CD109: variants seen among roughly 807,000 people sequenced by gnomAD.
CD109 encodes CD109 molecule.
In CD109, 149 loss-of-function variants were observed where a neutral mutation model predicts 165.8. The observed-to-expected ratio is 0.90, with a 90% CI of 0.79 to 1.03. The LOEUF is 1.03. Among genes scored for constraint, CD109 ranks in the 50% least tolerant of loss-of-function variants. The pLI, the probability that CD109 is intolerant of heterozygous loss-of-function variation, is 0.00. For missense variants in CD109, 1,712 were observed against 1,677.8 expected (o/e 1.02, Z -0.36); for synonymous variants, 585 against 592.1 (o/e 0.99, Z 0.18).
At chr6:73,822,555 T>G (rs78324500) in intron 32 of CD109, among the ~76,000 whole-genome samples, 2,562 of 152,330 alleles carry the variant, frequency 0.017, 69 homozygotes, top group African/African-American at 0.058. Context: ...GAATACACTG[T>G]GGAGACCCAA....
intron 5 of CD109, among the ~76,000 whole-genome samples, chr6:73,743,326 A>G (rs1582090720): frequency 6.6e-6 from 1 of 152,220 alleles, no homozygotes; most frequent in Admixed American, 6.5e-5. Flanking sequence ...GGAACAAGAA[A>G]TAGCAAGCAG....
intron 2 of CD109, among the ~76,000 whole-genome samples, chr6:73,721,498 A>G (rs1278532090): frequency 1.3e-5 from 2 of 148,750 alleles, no homozygotes; most frequent in African/African-American, 2.5e-5. Context: ...CCGAGTAGCT[A>G]GGACTACAGG....
At chr6:73,809,392 G>A (rs1562083097) in intron 26 of CD109, among the ~76,000 whole-genome samples, 1 of 152,082 alleles carries the variant, frequency 6.6e-6, no homozygotes, top group Non-Finnish European at 1.5e-5. Flanking sequence ...GGTCAGATAA[G>A]TAACGTGCAT....
At chr6:73,717,859 T>G (rs1041544387) in intron 2 of CD109, among the ~76,000 whole-genome samples, 2 of 151,832 alleles carry the variant, frequency 1.3e-5, no homozygotes, top group African/African-American at 4.8e-5. Flanking sequence ...GACCTCGTGA[T>G]CCGCCCACCT....
At chr6:73,759,718 C>T (rs114910402) in intron 7 of CD109, among the ~76,000 whole-genome samples, 1,527 of 152,212 alleles carry the variant, frequency 0.01, 27 homozygotes, top group African/African-American at 0.034. Context: ...TGATATAACT[C>T]TGTTAAAATA....
intron 30 of CD109, among the ~76,000 whole-genome samples, chr6:73,817,693 A>T (rs1775986575): frequency 6.6e-6 from 1 of 152,196 alleles, no homozygotes; most frequent in Admixed American, 6.5e-5. Flanking sequence ...AATTCATTTT[A>T]TAAAAATATT....
In CD109 at chr6:73,765,968, T is replaced by G. The variant is rs1179029510; in HGVS notation, c.1146T>G (p.Leu382=). 2.5e-6 allele frequency: 4 copies of G among 1,613,958 alleles called. No individual in the cohort carries two copies. In the Admixed American group the frequency reaches 6.7e-5, roughly 27 times the overall value. Residue 382 remains leucine, a synonymous_variant, in exon 11 of 33, where the codon CTT becomes CTG. Coordinates refer to ENST00000287097, the MANE Select transcript of CD109 (RefSeq NM_133493.5). Reference sequence around the variant, plus strand: ...GTGCTGATGGCAACCAACTGACTCTTGAAGAAAGAAGAAATAATGTAGTCA... The same window carrying G: ...GTGCTGATGGCAACCAACTGACTCTGGAAGAAAGAAGAAATAATGTAGTCA... ...VTRADGNQLT[L]EERRNNVVIT... is the part of the protein sequence containing the mutation.
intron 19 of CD109, among the ~76,000 whole-genome samples, chr6:73,784,509 G>T (rs1033177737): frequency 6.6e-6 from 1 of 152,102 alleles, no homozygotes; most frequent in Non-Finnish European, 1.5e-5. Flanking sequence ...CATTGTCTGG[G>T]GCTGTCCTGA....
chr6:73,708,162 C>T lies in CD109; in HGVS notation c.247+10590C>T, dbSNP rs574748975. 3.8e-4 allele frequency among the ~76,000 whole-genome samples: 58 copies of T among 152,062 alleles called. No homozygotes were observed. The South Asian group carries it at 9.8e-3, about 26-fold the overall frequency. ...ATCCCTTCCCCCTTCCCCCATCCCACGACAGGCCCCGGTGTGTGATGTTCC... is the reference window on the plus strand; with the variant it reads ...ATCCCTTCCCCCTTCCCCCATCCCATGACAGGCCCCGGTGTGTGATGTTCC... On this transcript the variant is annotated intron_variant, in intron 2 of 32. Transcript: ENST00000287097.
intron 3 of CD109, among the ~76,000 whole-genome samples, chr6:73,727,207 GC>G (rs2150175141): frequency 6.6e-6 from 1 of 151,924 alleles, no homozygotes; most frequent in South Asian, 2.1e-4. Context: ...CTCATTATGC[GC>G]CCCCATTGTT....
At chr6:73,782,378 T>C (rs935056135) in intron 17 of CD109, among the ~76,000 whole-genome samples, 2 of 152,214 alleles carry the variant, frequency 1.3e-5, no homozygotes, top group Non-Finnish European at 2.9e-5. Context: ...ACATATTGAA[T>C]CCTTCTTGAT....
rs1378697333 is a variant in CD109 at position 73,827,576 on chromosome 6, C to T, written c.*3943C>T. On this transcript the variant is annotated 3_prime_UTR_variant, in exon 33 of 33. Coordinates refer to ENST00000287097, the MANE Select transcript of CD109 (RefSeq NM_133493.5). ...TAGAGGACCATTATCCTTCTTTCTT[C>T]AGAAAACTAAGAAGTAAGTGTAACT... 1 of 152,038 alleles carries T rather than the reference C, an allele frequency of 6.6e-6. No homozygotes were observed. The highest frequency in any genetic ancestry group is 1.9e-4 in the East Asian group (1 of 5,202). 9.4% of individuals were successfully genotyped at this position (152,038 alleles called of 1,614,324 possible). A position where few individuals can be genotyped will look rare whatever the true frequency, so the allele number is the denominator to read the frequency against.
intron 23 of CD109, among the ~76,000 whole-genome samples, chr6:73,797,281 GA>G (rs1775197848): frequency 6.6e-6 from 1 of 152,164 alleles, no homozygotes; most frequent in Non-Finnish European, 1.5e-5. Context: ...ATAAGGACTG[GA>G]AATCCAGAAC....
At chr6:73,773,456 G>A (rs1457996573) in intron 15 of CD109, among the ~76,000 whole-genome samples, 1 of 151,808 alleles carries the variant, frequency 6.6e-6, no homozygotes, top group African/African-American at 2.4e-5. Context: ...TTATAAGTAT[G>A]GTAATTCTTT....
Position 73,826,417 on chromosome 6 carries a change from C to T in CD109, c.*2784C>T, listed in dbSNP as rs1400618114. On this transcript the variant is annotated 3_prime_UTR_variant, in exon 33 of 33. Transcript: ENST00000287097. ...ACTCACTGGGAACCTTAGTAAAACA[C>T]CAGCATATCTTACCTCTCTTTCTGA... 1 of 152,170 alleles carries T rather than the reference C, an allele frequency of 6.6e-6. No individual in the cohort carries two copies. Among genetic ancestry groups the T allele is most frequent in the Non-Finnish European group, 1.5e-5 (1 of 68,036 alleles). The allele number at this position is 152,170 out of a possible 1,614,324, so 9.4% of individuals were successfully genotyped here.
At chr6:73,745,697 A>G (rs1204301672) in intron 5 of CD109, among the ~76,000 whole-genome samples, 1 of 151,970 alleles carries the variant, frequency 6.6e-6, no homozygotes, top group Non-Finnish European at 1.5e-5. Flanking sequence ...AGCCTCTATA[A>G]CCTTGGTCAT....
chr6:73,687,958 C>T, the CD109 span, among the ~76,000 whole-genome samples: 1 of 152,304 alleles, frequency 6.6e-6, no homozygotes, highest in Admixed American at 6.5e-5. Flanking sequence ...TGTTTCTTTG[C>T]TTATTAATAG....
In CD109 at chr6:73,736,446, A is replaced by G. The variant is rs1373067228; in HGVS notation, c.571A>G (p.Lys191Glu). The change falls in exon 5 of 33, where the codon AAA (lysine) becomes GAA (glutamate). Residue 191 changes from lysine (K) to glutamate (E), a missense_variant. Transcript: ENST00000287097. ...SQQSDLGVIS[K>E]TFQLSSHPIL... Reference sequence around the variant, plus strand: ...ACAAAGTGATCTTGGAGTCATTTCCAAAACTTTTCAGCTATCTTCCCATCC... The same window carrying G: ...ACAAAGTGATCTTGGAGTCATTTCCGAAACTTTTCAGCTATCTTCCCATCC... 1.2e-5 allele frequency: 20 copies of G among 1,613,852 alleles called. No homozygotes were observed. The highest frequency in any genetic ancestry group is 1.7e-5 in the Non-Finnish European group (20 of 1,179,896).
At chr6:73,684,542 A>T in the CD109 span, among the ~76,000 whole-genome samples, 5 of 151,024 alleles carry the variant, frequency 3.3e-5, no homozygotes, top group Admixed American at 6.6e-5. Context: ...TTTTTTGATG[A>T]TATCCATTTT....
Sources: gnomAD v4.1 joint callset for allele counts (sites outside exome capture counted in the v4.1 genomes callset) on GRCh38, gnomAD v4.1.1 for gene constraint, MANE v1.5 for transcripts, NCBI Gene and HGNC (gene_info 2026-07-23, HGNC 2026-07-21) for gene names.